Variants in LRRC4C observed in about 807,000 individuals in gnomAD.
LRRC4C encodes leucine-rich repeat-containing protein 4C.
A neutral mutation model predicts 33.6 loss-of-function variants in LRRC4C; 5 were observed. The ratio of observed to expected loss-of-function variants is 0.15; its 90% confidence interval spans 0.08 to 0.31. LRRC4C has a LOEUF of 0.31. LRRC4C is among the 10% of genes least tolerant of loss of function. LRRC4C has a pLI of 1.00. For synonymous variants in LRRC4C, 329 were observed against 302.0 expected, an observed-to-expected ratio of 1.09 and a Z score of -0.93; for missense variants, 560 against 796.7, an observed-to-expected ratio of 0.70 and a Z score of 3.58.
intron 3 of LRRC4C, among the ~76,000 whole-genome samples, chr11:40,354,107 A>T (rs957761107): frequency 1.3e-4 from 20 of 152,326 alleles, no homozygotes; most frequent in African/African-American, 4.6e-4. Flanking sequence ...TGACTCTTGC[A>T]GACTCAAGGA....
intron 2 of LRRC4C, among the ~76,000 whole-genome samples, chr11:40,790,547 C>T (rs1287165599): frequency 1.3e-5 from 2 of 152,174 alleles, no homozygotes; most frequent in Non-Finnish European, 1.5e-5. Flanking sequence ...GGTCCAAATC[C>T]TCACTTTGCA....
chr11:40,853,985 G>A (rs891965367), intron 2 of LRRC4C, among the ~76,000 whole-genome samples: 1 of 152,104 alleles, frequency 6.6e-6, no homozygotes, highest in East Asian at 1.9e-4. Flanking sequence ...TGGAAGAGAG[G>A]TAATCAAAAA....
At chr11:41,057,125 C>T (rs1213938968) in intron 1 of LRRC4C, among the ~76,000 whole-genome samples, 2 of 152,192 alleles carry the variant, frequency 1.3e-5, no homozygotes, top group African/African-American at 4.8e-5. Flanking sequence ...CCAGAAACGC[C>T]GCCCCCCATT....
chr11:40,602,742 AG>A (rs1460377584), intron 3 of LRRC4C, among the ~76,000 whole-genome samples: 1 of 152,216 alleles, frequency 6.6e-6, no homozygotes, highest in Non-Finnish European at 1.5e-5. Flanking sequence ...TGCAGCTTGG[AG>A]GTCTTTAAAT....
At chr11:40,731,606 T>C (rs1178634404) in intron 2 of LRRC4C, among the ~76,000 whole-genome samples, 1 of 152,160 alleles carries the variant, frequency 6.6e-6, no homozygotes, top group Non-Finnish European at 1.5e-5. Flanking sequence ...TATTCTTTCT[T>C]TACCCCTTCA....
intron 3 of LRRC4C, among the ~76,000 whole-genome samples, chr11:40,633,325 T>TTCTCTC (rs772299978): frequency 1.8e-5 from 2 of 112,246 alleles, no homozygotes; most frequent in African/African-American, 6.1e-5. Flanking sequence ...CAAGTTTTCT[T>TTCTCTC]TTTCTTTCTT....
At chr11:40,661,045 T>C (rs1943405865) in intron 2 of LRRC4C, among the ~76,000 whole-genome samples, 1 of 152,180 alleles carries the variant, frequency 6.6e-6, no homozygotes, top group Non-Finnish European at 1.5e-5. Context: ...CAAATCTCAA[T>C]GGGACTTTTG....
At chr11:41,435,743 A>G (rs1955403865) in intron 1 of LRRC4C, among the ~76,000 whole-genome samples, 1 of 152,240 alleles carries the variant, frequency 6.6e-6, no homozygotes, top group South Asian at 2.1e-4. Flanking sequence ...TTCATATAGC[A>G]CTATTAATTT....
intron 6 of LRRC4C, among the ~76,000 whole-genome samples, chr11:40,137,558 G>T (rs886372527): frequency 1.3e-5 from 2 of 152,024 alleles, no homozygotes; most frequent in African/African-American, 2.4e-5. Context: ...TTGACCAAAA[G>T]TGTCTTCCTC....
intron 2 of LRRC4C, among the ~76,000 whole-genome samples, chr11:40,912,973 G>T (rs1240341866): frequency 1.3e-5 from 2 of 152,006 alleles, no homozygotes; most frequent in Non-Finnish European, 2.9e-5. Context: ...ATGGTAAAGG[G>T]ATCAATTCAA....
intron 3 of LRRC4C, among the ~76,000 whole-genome samples, chr11:40,553,292 A>AAACC (rs1444231720): frequency 6.6e-6 from 1 of 151,394 alleles, no homozygotes; most frequent in Non-Finnish European, 1.5e-5. Context: ...AAAAACAAAC[A>AAACC]AAAAAAGTGG....
At chr11:40,692,717 T>A (rs1434500539) in intron 2 of LRRC4C, among the ~76,000 whole-genome samples, 2 of 152,082 alleles carry the variant, frequency 1.3e-5, no homozygotes, top group African/African-American at 4.8e-5. Flanking sequence ...TTGTACCAAA[T>A]TACCTTTTTC....
chr11:40,363,685 A>G (rs1948072571), intron 3 of LRRC4C, among the ~76,000 whole-genome samples: 15 of 152,204 alleles, frequency 9.9e-5, no homozygotes, highest in Admixed American at 9.8e-4. Flanking sequence ...TTTCTGAGAC[A>G]AGGTTTATCA....
At chr11:40,511,135 C>T (rs1299376335) in intron 3 of LRRC4C, among the ~76,000 whole-genome samples, 2 of 152,098 alleles carry the variant, frequency 1.3e-5, no homozygotes, top group African/African-American at 4.8e-5. Flanking sequence ...ACCACAGCAA[C>T]CTCAAATGGG....
intron 3 of LRRC4C, among the ~76,000 whole-genome samples, chr11:40,513,046 G>C (rs879387014): frequency 2.0e-5 from 3 of 151,654 alleles, no homozygotes; most frequent in South Asian, 2.1e-4. Flanking sequence ...TCAGGAGATC[G>C]AGACCATCCT....
chr11:40,381,963 T>TTG (rs1948886992), intron 3 of LRRC4C, among the ~76,000 whole-genome samples: 2 of 139,854 alleles, frequency 1.4e-5, no homozygotes, highest in Non-Finnish European at 1.6e-5. Context: ...CGTTTTTTTT[T>TTG]TTTTTTTTTT....
intron 1 of LRRC4C, among the ~76,000 whole-genome samples, chr11:41,164,189 T>C (rs545327377): frequency 0.013 from 405 of 31,212 alleles, 2 homozygotes; most frequent in African/African-American, 0.021. Context: ...TTTACCTTTT[T>C]TATTTTTTTT....
At position 40,193,761 on chromosome 11, in the gene LRRC4C, A is replaced by C. The variant is rs138336491; in HGVS notation, c.-96+47758T>G. ...AATAACCAGTTTAGGGAATGACATAAATGACCTGATGGAGATGAAAAACAC... is the reference window on the plus strand; with the variant it reads ...AATAACCAGTTTAGGGAATGACATACATGACCTGATGGAGATGAAAAACAC... On this transcript the variant is annotated intron_variant, in intron 5 of 6. Transcript: ENST00000528697. Among the ~76,000 whole-genome samples, 18 of 152,236 alleles carry C rather than the reference A, an allele frequency of 1.2e-4. No homozygotes were observed. In the East Asian group the frequency reaches 3.3e-3, roughly 28 times the overall value.
chr11:40,381,393 C>A (rs1367338020), intron 3 of LRRC4C, among the ~76,000 whole-genome samples: 1 of 152,030 alleles, frequency 6.6e-6, no homozygotes, highest in East Asian at 1.9e-4. Context: ...CAACTGTAGC[C>A]CAGGTGACAT....
Sources: gnomAD v4.1 joint callset for allele counts (sites outside exome capture counted in the v4.1 genomes callset) on GRCh38, gnomAD v4.1.1 for gene constraint, MANE v1.5 for transcripts, NCBI Gene and HGNC (gene_info 2026-07-23, HGNC 2026-07-21) for gene names.